The following ADGRL3 variants were observed in gnomAD, a reference collection of about 807,000 sequenced individuals.
ADGRL3 encodes calcium-independent alpha-latrotoxin receptor 3.
A neutral mutation model predicts 153.5 loss-of-function variants in ADGRL3; 62 were observed. The observed-to-expected ratio is 0.40, with a 90% CI of 0.33 to 0.50. The LOEUF (loss-of-function observed/expected upper bound fraction) is 0.50, where lower values mean the gene tolerates loss of function less well. Among genes scored for constraint, ADGRL3 ranks in the 20% least tolerant of loss-of-function variants. ADGRL3 has a pLI of 0.47. For missense variants in ADGRL3, 1,641 were observed against 1,859.4 expected, an observed-to-expected ratio of 0.88 and a Z score of 2.16; for synonymous variants, 710 against 672.5, an observed-to-expected ratio of 1.06 and a Z score of -0.86.
At chr4:61,738,727 GTA>G (rs2096548294) in intron 8 of ADGRL3, among the ~76,000 whole-genome samples, 1 of 152,022 alleles carries the variant, frequency 6.6e-6, no homozygotes, top group African/African-American at 2.4e-5. Flanking sequence ...CTACCCAATT[GTA>G]TGACATGTAT....
chr4:61,769,959 C>A (rs2097062334), intron 8 of ADGRL3, among the ~76,000 whole-genome samples: 1 of 152,146 alleles, frequency 6.6e-6, no homozygotes, highest in Non-Finnish European at 1.5e-5. Flanking sequence ...TTACTTCAGG[C>A]CATCTGGGCG....
intron 1 of ADGRL3, among the ~76,000 whole-genome samples, chr4:61,226,811 A>G (rs1299113969): frequency 1.3e-5 from 2 of 152,062 alleles, no homozygotes; most frequent in South Asian, 4.1e-4. Flanking sequence ...AAACTAAGGA[A>G]AATGGATTCT....
chr4:61,868,754 A>G (rs1472938552), intron 9 of ADGRL3, among the ~76,000 whole-genome samples: 1 of 152,186 alleles, frequency 6.6e-6, no homozygotes, highest in Non-Finnish European at 1.5e-5. Flanking sequence ...AGTCCTTGGC[A>G]AGGCATTTCC....
At chr4:61,798,874 C>A (rs867809356) in intron 8 of ADGRL3, among the ~76,000 whole-genome samples, 17 of 151,008 alleles carry the variant, frequency 1.1e-4, no homozygotes, top group Admixed American at 6.6e-5. Context: ...CCTCAGCCTC[C>A]CAAAGTGCTG....
intron 2 of ADGRL3, among the ~76,000 whole-genome samples, chr4:61,479,561 A>G (rs2098109781): frequency 1.3e-5 from 2 of 152,124 alleles, no homozygotes; most frequent in Admixed American, 1.3e-4. Context: ...TAGAATAAAA[A>G]CTATAGGAAA....
intron 1 of ADGRL3, among the ~76,000 whole-genome samples, chr4:61,304,427 G>T (rs2094697605): frequency 6.6e-6 from 1 of 152,200 alleles, no homozygotes; most frequent in Non-Finnish European, 1.5e-5. Flanking sequence ...TAAAAAACAA[G>T]CTCCTGAATG....
At chr4:61,756,404 G>T (rs929496152) in intron 8 of ADGRL3, among the ~76,000 whole-genome samples, 2 of 152,088 alleles carry the variant, frequency 1.3e-5, no homozygotes, top group African/African-American at 4.8e-5. Context: ...GTTCACTCAC[G>T]ATTTGGCTCT....
rs540307194 is a variant in ADGRL3, at chr4:61,935,470, G to C, written c.2296+447G>C. 2.0e-4 allele frequency among the ~76,000 whole-genome samples: 30 copies of C among 152,184 alleles called. No individual in the cohort carries two copies. The South Asian group carries it at 2.9e-3, about 15-fold the overall frequency. On this transcript the variant is annotated intron_variant, in intron 14 of 26. Transcript: ENST00000683033. ...TAATCTTGTTATTTGGCTTATAAAGGATATCAGTCTATTTTTATTGTGGAT... is the reference window on the plus strand; with the variant it reads ...TAATCTTGTTATTTGGCTTATAAAGCATATCAGTCTATTTTTATTGTGGAT...
Position 61,390,244 on chromosome 4 carries a change from T to C in ADGRL3, c.-174+7055T>C, listed in dbSNP as rs76208036. Reference sequence around the variant, plus strand: ...CTCTATTTTTTCTTATTTTTATGGCTAAACCCTGAGCTAGCAGTAGCCCAG... The same window carrying C: ...CTCTATTTTTTCTTATTTTTATGGCCAAACCCTGAGCTAGCAGTAGCCCAG... On this transcript the variant is annotated intron_variant, in intron 2 of 26. Coordinates refer to ENST00000683033, the MANE Select transcript of ADGRL3 (RefSeq NM_001387552.1). Among the ~76,000 whole-genome samples, 1,418 of 152,312 alleles carry C rather than the reference T, an allele frequency of 9.3e-3. 22 individuals are homozygous for C. The highest frequency in any genetic ancestry group is 0.032 in the African/African-American group (1,341 of 41,552).
Position 61,784,052 on chromosome 4 carries a change from C to T in ADGRL3, c.1400-29757C>T, listed in dbSNP as rs139394039. On this transcript the variant is annotated intron_variant, in intron 8 of 26. Coordinates refer to ENST00000683033, the MANE Select transcript of ADGRL3 (RefSeq NM_001387552.1). ...AGAATAAAGTAATATGTTTATTAAT[C>T]AGAGTTAGCCTAGAAAGTAGTCTTA... Among the ~76,000 whole-genome samples the T allele has an allele frequency of 7.5e-4, 114 of 152,184 alleles. 1 individual carries two copies. Among genetic ancestry groups the T allele is most frequent in the African/African-American group, 2.6e-3 (108 of 41,542 alleles).
At chr4:61,627,438 T>C (rs1269238422) in intron 5 of ADGRL3, among the ~76,000 whole-genome samples, 1 of 151,996 alleles carries the variant, frequency 6.6e-6, no homozygotes. Context: ...CTGGCCAACA[T>C]GGTGAAACCC....
chr4:62,047,655 C>A (rs1731828546), intron 25 of ADGRL3, among the ~76,000 whole-genome samples: 1 of 152,022 alleles, frequency 6.6e-6, no homozygotes. Context: ...CCTTTATATT[C>A]TCTTTGGAAG....
chr4:61,881,044 A>G (rs17082464), intron 9 of ADGRL3, among the ~76,000 whole-genome samples: 27,519 of 152,100 alleles, frequency 0.18, 2,602 homozygotes, highest in Middle Eastern at 0.21. Context: ...TGTTTGTTTC[A>G]TCCTTATGTT....
chr4:61,718,035 TAAATA>T (rs993963697), intron 6 of ADGRL3, among the ~76,000 whole-genome samples: 3 of 151,744 alleles, frequency 2.0e-5, no homozygotes, highest in Non-Finnish European at 2.9e-5. Context: ...TCAAAATAAA[TAAATA>T]AAATAAAATA....
At chr4:61,274,362 A>G (rs1357528120) in intron 1 of ADGRL3, among the ~76,000 whole-genome samples, 1 of 152,204 alleles carries the variant, frequency 6.6e-6, no homozygotes, top group Non-Finnish European at 1.5e-5. Context: ...TATCCCATTA[A>G]TGGAAGACAA....
At chr4:61,692,414 T>C (rs2095555817) in intron 6 of ADGRL3, among the ~76,000 whole-genome samples, 1 of 151,272 alleles carries the variant, frequency 6.6e-6, no homozygotes, top group Non-Finnish European at 1.5e-5. Flanking sequence ...TGGTCACTAG[T>C]CACCATTTAG....
intron 1 of ADGRL3, among the ~76,000 whole-genome samples, chr4:61,216,197 A>T (rs1254990988): frequency 6.6e-6 from 1 of 152,154 alleles, no homozygotes; most frequent in African/African-American, 2.4e-5. Context: ...AGATTAGACT[A>T]TCTTTTTGTG....
At chr4:61,775,779 A>T (rs1040825723) in intron 8 of ADGRL3, 4 of 789,258 alleles carry the variant, frequency 5.1e-6, no homozygotes, top group Non-Finnish European at 9.2e-6. Flanking sequence ...GGATGAGGGC[A>T]GTCTTCAGCA....
chr4:61,548,540 C>T (rs2098725153), intron 4 of ADGRL3, among the ~76,000 whole-genome samples: 1 of 152,004 alleles, frequency 6.6e-6, no homozygotes, highest in Non-Finnish European at 1.5e-5. Context: ...ATAGGGAGTC[C>T]TTTCCCTGTT....
Sources: allele counts gnomAD v4.1 joint callset (sites outside exome capture counted in the v4.1 genomes callset), GRCh38; gene constraint gnomAD v4.1.1; transcripts MANE v1.5; gene names NCBI Gene and HGNC (gene_info 2026-07-23, HGNC 2026-07-21).